TBC1D5: variants seen among roughly 807,000 people sequenced by gnomAD.
TBC1D5 encodes the protein TBC1 domain family, member 5.
Under a neutral mutation model 100.3 loss-of-function variants are expected in TBC1D5, and 75 were observed. That is an observed-to-expected ratio of 0.75 (90% confidence interval 0.62 to 0.91). The LOEUF (loss-of-function observed/expected upper bound fraction) is 0.91, where lower values mean the gene tolerates loss of function less well. Ranked by LOEUF, TBC1D5 falls within the 40% of genes least tolerant of loss-of-function variation. TBC1D5 has a pLI of 0.00. For synonymous variants in TBC1D5, 323 were observed against 325.6 expected (o/e 0.99, Z 0.09); for missense variants, 910 against 942.4 (o/e 0.97, Z 0.45).
chr3:17,167,828 A>G, exon 20 of TBC1D5: 1 of 1,588,604 alleles, frequency 6.3e-7, no homozygotes, highest in Non-Finnish European at 8.6e-7. Flanking sequence ...TTGAATATTT[A>G]CTGAAAATAG....
chr3:17,706,001 G>A (rs1577665827), intron 1 of TBC1D5: 6 of 1,440,904 alleles, frequency 4.2e-6, no homozygotes, highest in South Asian at 3.9e-5. Flanking sequence ...TTTTTGAGAC[G>A]GAGTCTTGCT....
intron 5 of TBC1D5, 50 bp downstream of exon 5, chr3:17,406,368 T>C (rs781231952): frequency 2.0e-6 from 3 of 1,508,644 alleles, no homozygotes. Context: ...CATCAGGTAA[T>C]GTGTTGATAT....
chr3:17,649,676 C>T (rs1001143087), intron 1 of TBC1D5, among the ~76,000 whole-genome samples: 15 of 152,060 alleles, frequency 9.9e-5, no homozygotes, highest in South Asian at 8.3e-4. Flanking sequence ...GAAATAGGAA[C>T]GCTTTTACAC....
At chr3:17,513,263 C>A (rs942097585) in intron 2 of TBC1D5, among the ~76,000 whole-genome samples, 1 of 151,150 alleles carries the variant, frequency 6.6e-6, no homozygotes, top group African/African-American at 2.4e-5. Flanking sequence ...ACCCGGGAGG[C>A]AGAGGTTGCA....
intron 2 of TBC1D5, among the ~76,000 whole-genome samples, chr3:17,528,466 T>C (rs2153366956): frequency 6.6e-6 from 1 of 152,312 alleles, no homozygotes; most frequent in African/African-American, 2.4e-5. Context: ...CCTGCTCTCA[T>C]CTTGATCTTG....
chr3:17,381,652 T>C (rs1478624163), intron 9 of TBC1D5, among the ~76,000 whole-genome samples: 10 of 152,034 alleles, frequency 6.6e-5, no homozygotes, highest in Non-Finnish European at 1.5e-5. Flanking sequence ...AAAAGAATTC[T>C]ACACTAATAG....
chr3:17,233,741 A>C, intron 17 of TBC1D5: 1 of 1,543,410 alleles, frequency 6.5e-7, no homozygotes, highest in Non-Finnish European at 8.8e-7. Flanking sequence ...GCTTCCTGTA[A>C]CTACATCGCC....
At chr3:17,605,381 T>C (rs1025617438) in intron 2 of TBC1D5, among the ~76,000 whole-genome samples, 5 of 152,212 alleles carry the variant, frequency 3.3e-5, no homozygotes, top group Admixed American at 2.0e-4. Context: ...ACCTCAAATC[T>C]TAGCTGAACT....
intron 18 of TBC1D5, among the ~76,000 whole-genome samples, chr3:17,197,440 GA>G (rs1559391148): frequency 2.6e-5 from 4 of 152,068 alleles, no homozygotes; most frequent in Non-Finnish European, 4.4e-5. Context: ...ACAGTGGTGT[GA>G]TCATGGCTCA....
intron 21 of TBC1D5, 24 bp from the exon 23 acceptor site, chr3:17,161,280 A>G: frequency 1.3e-6 from 2 of 1,579,708 alleles, no homozygotes; most frequent in Non-Finnish European, 1.7e-6. Flanking sequence ...TCAGAAGTAC[A>G]GGTGGATGAA....
chr3:17,662,950 G>A (rs933709956), intron 1 of TBC1D5: 1 of 152,008 alleles, frequency 6.6e-6, no homozygotes, highest in Non-Finnish European at 1.5e-5. Flanking sequence ...TTTTCTTACT[G>A]GGGTTCATGG....
intron 2 of TBC1D5, among the ~76,000 whole-genome samples, chr3:17,580,422 T>G (rs148593239): frequency 2.6e-4 from 39 of 152,296 alleles, no homozygotes; most frequent in African/African-American, 8.7e-4. Context: ...GCTTCTTGTA[T>G]GTAATATATC....
At chr3:17,161,742 T>A (rs1326697515) in intron 21 of TBC1D5, among the ~76,000 whole-genome samples, 1 of 152,250 alleles carries the variant, frequency 6.6e-6, no homozygotes, top group Non-Finnish European at 1.5e-5. Context: ...AGCTGCTGGC[T>A]CCCTAATGTG....
intron 12 of TBC1D5, among the ~76,000 whole-genome samples, chr3:17,372,884 T>C (rs1027250535): frequency 6.6e-6 from 1 of 152,302 alleles, no homozygotes; most frequent in African/African-American, 2.4e-5. Flanking sequence ...GAAGAAATAC[T>C]TTATCACCTA....
intron 16 of TBC1D5, among the ~76,000 whole-genome samples, chr3:17,253,329 TTA>T (rs1221189655): frequency 2.0e-5 from 3 of 152,214 alleles, no homozygotes; most frequent in African/African-American, 7.2e-5. Context: ...AAATACAACT[TTA>T]TGATTTTTTG....
At chr3:17,646,118 G>C (rs138862001) in intron 1 of TBC1D5, among the ~76,000 whole-genome samples, 15 of 152,156 alleles carry the variant, frequency 9.9e-5, no homozygotes, top group Non-Finnish European at 1.8e-4. Flanking sequence ...GTCTTTATAA[G>C]AAGGGTAAAT....
chr3:17,356,697 G>C (rs1356464747), intron 13 of TBC1D5, among the ~76,000 whole-genome samples: 2 of 152,148 alleles, frequency 1.3e-5, no homozygotes, highest in Non-Finnish European at 2.9e-5. Context: ...TGACCAACTA[G>C]AACAGAGTGA....
intron 13 of TBC1D5, among the ~76,000 whole-genome samples, chr3:17,324,081 T>C (rs956838626): frequency 3.9e-5 from 6 of 152,204 alleles, no homozygotes; most frequent in South Asian, 2.1e-4. Context: ...ATGGATGGTC[T>C]TTTTCACAAA....
chr3:17,161,023 A>G, exon 22 of TBC1D5: 2 of 1,614,178 alleles, frequency 1.2e-6, no homozygotes, highest in Non-Finnish European at 8.5e-7. Flanking sequence ...CGTCATCAGG[A>G]CTGGAGCTGG....
Sources: allele counts gnomAD v4.1 joint callset (sites outside exome capture counted in the v4.1 genomes callset), GRCh38; gene constraint gnomAD v4.1.1; transcripts MANE v1.5; gene names NCBI Gene and HGNC (gene_info 2026-07-23, HGNC 2026-07-21).